Variants in KCNN2 observed in about 807,000 individuals in gnomAD.
The protein encoded by KCNN2 is small conductance calcium-activated potassium channel protein 2.
Under a neutral mutation model 55.5 loss-of-function variants are expected in KCNN2, and 24 were observed. That is an observed-to-expected ratio of 0.43 (90% CI 0.31 to 0.61). The LOEUF is 0.61. Ranked by LOEUF, KCNN2 falls within the 20% of genes least tolerant of loss-of-function variation. The pLI is 0.08. For synonymous variants in KCNN2, 431 were observed against 336.1 expected (o/e 1.28, Z -3.09); for missense variants, 754 against 853.6 (o/e 0.88, Z 1.45).
At chr5:114,441,306 A>G (rs1365921767) in intron 3 of KCNN2, among the ~76,000 whole-genome samples, 2 of 152,234 alleles carry the variant, frequency 1.3e-5, no homozygotes, top group South Asian at 2.1e-4. Flanking sequence ...GATGATTTGA[A>G]TAACACAGTT....
chr5:114,388,815 T>A (rs921465261), intron 2 of KCNN2, among the ~76,000 whole-genome samples: 4 of 152,318 alleles, frequency 2.6e-5, no homozygotes, highest in Admixed American at 1.3e-4. Context: ...ATATCAGTTT[T>A]TTTTATTTTA....
At chr5:114,143,617 G>A (rs1184610291) in intron 1 of KCNN2, among the ~76,000 whole-genome samples, 1 of 152,150 alleles carries the variant, frequency 6.6e-6, no homozygotes, top group African/African-American at 2.4e-5. Flanking sequence ...GTTTTTCTGT[G>A]ATAGGAATCT....
chr5:114,394,599 C>G (rs1310027772), intron 2 of KCNN2, among the ~76,000 whole-genome samples: 1 of 152,154 alleles, frequency 6.6e-6, no homozygotes, highest in Admixed American at 6.5e-5. Context: ...CAGGTTCTTA[C>G]CTGATTTCTT....
At position 114,390,444 on chromosome 5, in the gene KCNN2, C is replaced by T. The variant is rs571516189; in HGVS notation, c.1219-13994C>T. 3.3e-5 allele frequency among the ~76,000 whole-genome samples: 5 copies of T among 152,220 alleles called. No homozygotes were observed. The South Asian group carries it at 8.3e-4, about 25-fold the overall frequency. ...GTGATGTCAGTCTTTGTGTTCATCCCTTCTTATTCTACCTGAAGTTAGTTA... is the reference window on the plus strand; with the variant it reads ...GTGATGTCAGTCTTTGTGTTCATCCTTTCTTATTCTACCTGAAGTTAGTTA... On this transcript the variant is annotated intron_variant, in intron 2 of 7. Coordinates refer to ENST00000673685, the MANE Select transcript of KCNN2 (RefSeq NM_021614.4).
intron 3 of KCNN2, among the ~76,000 whole-genome samples, chr5:114,434,195 G>A (rs549336010): frequency 6.4e-4 from 95 of 148,982 alleles, no homozygotes; most frequent in Non-Finnish European, 1.1e-3. Context: ...TTTTCTGTTT[G>A]GGAGGTTTCT....
At chr5:114,106,210 A>C (rs2112576111) in intron 1 of KCNN2, among the ~76,000 whole-genome samples, 1 of 151,826 alleles carries the variant, frequency 6.6e-6, no homozygotes, top group East Asian at 1.9e-4. Context: ...TTCTCTTGCC[A>C]AATTCTGTGT....
intron 1 of KCNN2, among the ~76,000 whole-genome samples, chr5:114,108,050 T>C (rs894436557): frequency 6.6e-6 from 1 of 152,120 alleles, no homozygotes; most frequent in Non-Finnish European, 1.5e-5. Context: ...TTGTATTTTA[T>C]GTTATCTAAA....
intron 5 of KCNN2, among the ~76,000 whole-genome samples, chr5:114,480,709 A>G (rs1464150799): frequency 6.6e-6 from 1 of 152,230 alleles, no homozygotes; most frequent in Admixed American, 6.5e-5. Flanking sequence ...AGATTGGTTC[A>G]ACATATGCAA....
intron 2 of KCNN2, among the ~76,000 whole-genome samples, chr5:114,345,704 A>G (rs1481272842): frequency 6.6e-6 from 1 of 152,206 alleles, no homozygotes; most frequent in Non-Finnish European, 1.5e-5. Context: ...AAGAGGTTTA[A>G]TTGGCTCACA....
At chr5:114,254,218 G>A (rs886970500) in intron 2 of KCNN2, among the ~76,000 whole-genome samples, 1 of 151,916 alleles carries the variant, frequency 6.6e-6, no homozygotes, top group African/African-American at 2.4e-5. Flanking sequence ...AATACGAAAA[G>A]ATAGAAAATA....
chr5:114,298,143 T>G (rs1254823793), intron 2 of KCNN2, among the ~76,000 whole-genome samples: 1 of 152,190 alleles, frequency 6.6e-6, no homozygotes, highest in Non-Finnish European at 1.5e-5. Flanking sequence ...TACTGCAGGG[T>G]TGTCACAACA....
chr5:114,157,571 G>A (rs1752663117), intron 1 of KCNN2, among the ~76,000 whole-genome samples: 2 of 152,164 alleles, frequency 1.3e-5, no homozygotes, highest in Non-Finnish European at 2.9e-5. Flanking sequence ...GATCCCTGAG[G>A]AATTGCCACA....
At chr5:114,240,212 A>G (rs1489579723) in intron 2 of KCNN2, among the ~76,000 whole-genome samples, 1 of 152,020 alleles carries the variant, frequency 6.6e-6, no homozygotes, top group Non-Finnish European at 1.5e-5. Flanking sequence ...CTAGTAAATC[A>G]CATATAAAAT....
Position 114,232,982 on chromosome 5 carries a change from G to A in KCNN2, c.-185+11417G>A, listed in dbSNP as rs796828386. Among the ~76,000 whole-genome samples the A allele has an allele frequency of 5.8e-5, 7 of 120,448 alleles. No individual in the cohort carries two copies. In the East Asian group the frequency reaches 1.1e-3, roughly 19 times the overall value. 79.0% of individuals were successfully genotyped at this position (120,448 alleles called of 152,430 possible). On this transcript the variant is annotated intron_variant, in intron 2 of 10. Coordinates refer to the KCNN2 transcript ENST00000512097. ...GTCGCCCAGGCTGGAGTGCAGTGGC[G>A]GGATCTCGGCTCACTGCAAGCTCCG...
chr5:114,413,345 C>T (rs533813056), intron 3 of KCNN2, among the ~76,000 whole-genome samples: 22 of 151,792 alleles, frequency 1.4e-4, no homozygotes, highest in African/African-American at 4.9e-4. Flanking sequence ...AGTGCAGTGG[C>T]ACAATCTTGG....
At chr5:114,386,794 G>A (rs1758303290) in intron 2 of KCNN2, among the ~76,000 whole-genome samples, 2 of 152,140 alleles carry the variant, frequency 1.3e-5, no homozygotes, top group East Asian at 1.9e-4. Context: ...CATTCTGTCT[G>A]CCTCTCAGAA....
At chr5:114,368,625 A>G (rs943930656) in intron 2 of KCNN2, among the ~76,000 whole-genome samples, 2 of 152,248 alleles carry the variant, frequency 1.3e-5, no homozygotes, top group African/African-American at 4.8e-5. Context: ...AAAATACTGC[A>G]TATAGTTTAC....
intron 3 of KCNN2, among the ~76,000 whole-genome samples, chr5:114,420,790 G>C (rs1759450210): frequency 6.6e-6 from 1 of 152,230 alleles, no homozygotes; most frequent in Non-Finnish European, 1.5e-5. Flanking sequence ...ATTATGTTCA[G>C]ATGGTAGCTT....
chr5:114,435,111 C>CCACCCCT (rs964686416), intron 3 of KCNN2, among the ~76,000 whole-genome samples: 4 of 152,160 alleles, frequency 2.6e-5, no homozygotes, highest in South Asian at 4.2e-4. Flanking sequence ...CCGTCACTCC[C>CCACCCCT]CACCCCTCAC....
Sources: gnomAD v4.1 joint callset for allele counts (sites outside exome capture counted in the v4.1 genomes callset) on GRCh38, gnomAD v4.1.1 for gene constraint, MANE v1.5 for transcripts, NCBI Gene and HGNC (gene_info 2026-07-23, HGNC 2026-07-21) for gene names.